The following ZNF678 variants were observed in gnomAD, a reference collection of about 807,000 sequenced individuals.
ZNF678 encodes the protein zinc finger protein 678.
In ZNF678, 5 loss-of-function variants were observed where a neutral mutation model predicts 3.0. That is an observed-to-expected ratio of 1.69 (90% CI 0.88 to 3.56). ZNF678 has a LOEUF of 3.56. Ranked by LOEUF, ZNF678 falls within the 30% of genes most tolerant of loss-of-function variation. The pLI, the probability that ZNF678 is intolerant of heterozygous loss-of-function variation, is 0.00. For missense variants in ZNF678, 593 were observed against 605.0 expected (o/e 0.98, Z 0.21); for synonymous variants, 218 against 199.6 (o/e 1.09, Z -0.78).
At chr1:227,651,199 G>T in intron 3 of ZNF678, 123 bp downstream of exon 3, 1 of 1,083,644 alleles carries the variant, frequency 9.2e-7, no homozygotes, top group East Asian at 2.5e-5. Context: ...TGTCTTTGGT[G>T]GGCTTATTAC....
At chr1:227,593,414 C>T (rs1657470531) in intron 1 of ZNF678, among the ~76,000 whole-genome samples, 1 of 152,140 alleles carries the variant, frequency 6.6e-6, no homozygotes, top group South Asian at 2.1e-4. Flanking sequence ...CCGGTTGGGG[C>T]AGTCCATCCT....
chr1:227,596,561 G>T (rs984464983), intron 1 of ZNF678, among the ~76,000 whole-genome samples: 3 of 152,226 alleles, frequency 2.0e-5, no homozygotes, highest in African/African-American at 7.2e-5. Flanking sequence ...CTGTCTGCCT[G>T]TGGATTTCAT....
chr1:227,632,815 T>C (rs1378396205), intron 1 of ZNF678, among the ~76,000 whole-genome samples: 1 of 152,164 alleles, frequency 6.6e-6, no homozygotes, highest in Non-Finnish European at 1.5e-5. Context: ...CCGGCGGGTC[T>C]TTGTTCTTAG....
intron 1 of ZNF678, among the ~76,000 whole-genome samples, chr1:227,604,509 C>T (rs552958300): frequency 2.1e-4 from 32 of 152,266 alleles, no homozygotes; most frequent in African/African-American, 7.5e-4. Context: ...CCTCAGCCAC[C>T]TGAGTAGCTG....
chr1:227,639,349 C>G (rs1398352442), intron 1 of ZNF678, among the ~76,000 whole-genome samples: 1 of 152,188 alleles, frequency 6.6e-6, no homozygotes, highest in African/African-American at 2.4e-5. Flanking sequence ...CTGTTTTTGC[C>G]TTTTACTTTC....
rs1247643778 is a variant in ZNF678 at position 227,656,057 on chromosome 1, C to T, written c.*229C>T. 3 of 352,344 alleles carry T rather than the reference C, an allele frequency of 8.5e-6. No individual in the cohort carries two copies. The highest frequency in any genetic ancestry group is 4.4e-5 in the Admixed American group (1 of 22,872). 21.8% of individuals were successfully genotyped at this position (352,344 alleles called of 1,614,324 possible). A position where few individuals can be genotyped will look rare whatever the true frequency, so the allele number is the denominator to read the frequency against. ...CTTAAACAATTATTCAGACTTTATT[C>T]AACTTTAGAGGATTTTACGGGGGCA... On this transcript the variant is annotated 3_prime_UTR_variant, in exon 4 of 4. Transcript: ENST00000343776.
At chr1:227,644,801 C>A (rs573719564) in intron 1 of ZNF678, among the ~76,000 whole-genome samples, 13 of 152,272 alleles carry the variant, frequency 8.5e-5, no homozygotes, top group African/African-American at 2.6e-4. Flanking sequence ...AGAAATACTC[C>A]CACTTCTACC....
intron 1 of ZNF678, among the ~76,000 whole-genome samples, chr1:227,614,081 T>C (rs908617758): frequency 6.6e-6 from 1 of 152,184 alleles, no homozygotes; most frequent in Non-Finnish European, 1.5e-5. Flanking sequence ...CACCATCATG[T>C]TCCTCATGTA....
chr1:227,583,817 G>A (rs1420787714), intron 1 of ZNF678, among the ~76,000 whole-genome samples: 1 of 152,156 alleles, frequency 6.6e-6, no homozygotes, highest in Non-Finnish European at 1.5e-5. Flanking sequence ...AAAGTATTTT[G>A]TTGGGATTCA....
chr1:227,655,480 T>C lies in ZNF678; in HGVS notation c.1230T>C (p.Cys410=), dbSNP rs754533531. The C allele has an allele frequency of 6.2e-7, 1 of 1,612,510 alleles. No homozygotes were observed. The highest frequency in any genetic ancestry group is 8.5e-7 in the Non-Finnish European group (1 of 1,179,274). The change falls in exon 4 of 4, where the codon TGT becomes TGC. Residue 410 remains cysteine (C), a synonymous_variant. Coordinates refer to ENST00000343776, the MANE Select transcript of ZNF678 (RefSeq NM_001367909.1). The part of the protein sequence containing the change: ...TGVKPYKCEE[C]GKVFKQCSHL... ...TGAAACCCTACAAATGTGAAGAATG[T>C]GGGAAAGTTTTTAAACAGTGCTCTC...
chr1:227,648,679 C>T (rs1421812258), intron 2 of ZNF678, among the ~76,000 whole-genome samples: 2 of 151,998 alleles, frequency 1.3e-5, no homozygotes, highest in African/African-American at 4.8e-5. Context: ...ATTAGCTGGG[C>T]ATGGTGGCAG....
At chr1:227,649,980 T>G (rs1659050832) in intron 2 of ZNF678, among the ~76,000 whole-genome samples, 1 of 152,200 alleles carries the variant, frequency 6.6e-6, no homozygotes. Context: ...TTTTCTTATT[T>G]TATTGTTTTT....
At chr1:227,574,138 A>T (rs1346315342) in intron 1 of ZNF678, among the ~76,000 whole-genome samples, 1 of 152,178 alleles carries the variant, frequency 6.6e-6, no homozygotes, top group African/African-American at 2.4e-5. Context: ...GAACATATAC[A>T]TGCATTTGTC....
chr1:227,616,312 TA>T lies in ZNF678; in HGVS notation c.-163-30231del, dbSNP rs139496054. On this transcript the variant is annotated intron_variant, in intron 1 of 3. Transcript: ENST00000343776. The stretch of plus-strand genomic sequence containing the variant: ...ACACCTTAAAATAGAAATAAAGGCA[TA>T]TATATAGGGTGAACATTTTGCCTCT... 4.6e-3 allele frequency among the ~76,000 whole-genome samples: 697 copies of T among 152,180 alleles called. 19 individuals carry two copies. The South Asian group carries it at 0.057, about 12-fold the overall frequency.
intron 5 of ZNF678, among the ~76,000 whole-genome samples, chr1:227,672,207 A>G (rs1038746074): frequency 6.6e-6 from 1 of 152,202 alleles, no homozygotes; most frequent in Non-Finnish European, 1.5e-5. Flanking sequence ...GAACAGAGCA[A>G]TGACATTATT....
intron 3 of ZNF678, among the ~76,000 whole-genome samples, chr1:227,653,664 A>T (rs1275784217): frequency 6.6e-6 from 1 of 151,998 alleles, no homozygotes; most frequent in African/African-American, 2.4e-5. Flanking sequence ...AGCCTCTCAA[A>T]CCTCTTCTTA....
At chr1:227,673,374 G>A (rs535452165) in intron 5 of ZNF678, among the ~76,000 whole-genome samples, 1 of 152,274 alleles carries the variant, frequency 6.6e-6, no homozygotes, top group African/African-American at 2.4e-5. Flanking sequence ...TTCTAACAGT[G>A]CCATCATCTA....
At chr1:227,651,149 C>A in intron 3 of ZNF678, 73 bp downstream of exon 3, 1 of 1,544,624 alleles carries the variant, frequency 6.5e-7, no homozygotes, top group Non-Finnish European at 8.8e-7. Flanking sequence ...AGGGGATATA[C>A]CTGAGTCCTA....
chr1:227,591,329 GGCCACTTTTCCCTT>G (rs1657408246), intron 1 of ZNF678, among the ~76,000 whole-genome samples: 1 of 147,444 alleles, frequency 6.8e-6, no homozygotes. Flanking sequence ...GTACAGGAAG[GGCCACTTTTCCCTT>G]GCTGAAGGTA....
Sources: gnomAD v4.1 joint callset for allele counts (sites outside exome capture counted in the v4.1 genomes callset) on GRCh38, gnomAD v4.1.1 for gene constraint, MANE v1.5 for transcripts, NCBI Gene and HGNC (gene_info 2026-07-23, HGNC 2026-07-21) for gene names.